LCAT: variants seen among roughly 807,000 people sequenced by gnomAD.
LCAT encodes phosphatidylcholine-sterol acyltransferase.
A neutral mutation model predicts 41.0 loss-of-function variants in LCAT; 15 were observed. The observed-to-expected ratio is 0.37, with a 90% CI of 0.24 to 0.56. LCAT has a LOEUF of 0.56. Among genes scored for constraint, LCAT ranks in the 20% least tolerant of loss-of-function variants. The pLI is 0.81. For synonymous variants in LCAT, 248 were observed against 245.4 expected (o/e 1.01, Z -0.10); for missense variants, 449 against 595.1 (o/e 0.75, Z 2.55).
At position 67,939,833 on chromosome 16, in the gene LCAT, G is replaced by C. The variant is rs2058282461; in HGVS notation, c.*71C>G. 1 of 1,567,610 alleles carries C rather than the reference G, an allele frequency of 6.4e-7. No homozygotes were observed. The highest frequency in any genetic ancestry group is 8.7e-7 in the Non-Finnish European group (1 of 1,154,324). ...TGTGGCTGGTGAGGAGTGAAACCTA[G>C]TGTGGGACTCTAGTGCCTCCCTTCA... On this transcript the variant is annotated 3_prime_UTR_variant, in exon 6 of 6. Transcript: ENST00000264005.
At chr16:67,940,687 T>C (rs1293658739) in intron 5 of LCAT, 2 of 851,124 alleles carry the variant, frequency 2.3e-6, no homozygotes, top group South Asian at 3.5e-5. Flanking sequence ...CTCTGTTGGG[T>C]GGAGCTGTAG....
Position 67,940,008 on chromosome 16 carries a change from T to G in LCAT, c.1219A>C (p.Ser407Arg). The change falls in exon 6 of 6, where the codon AGC (serine) becomes CGC (arginine). Residue 407 changes from serine to arginine, a missense_variant. Transcript: ENST00000264005. ...HGIQHLNMVF[S>R]NLTLEHINAI... ...TTGATGTGCTCCAGGGTCAGGTTGC[T>G]GAAGACCATGTTGAGATGCTGTATC... 6.2e-7 allele frequency: 1 copy of G among 1,613,640 alleles called. No homozygotes were observed. Among genetic ancestry groups the G allele is most frequent in the Non-Finnish European group, 8.5e-7 (1 of 1,180,024 alleles).
chr16:67,940,125 C>T lies in LCAT; in HGVS notation c.1102G>A (p.Gly368Ser), dbSNP rs773925060. Residue 368 changes from glycine (G) to serine (S), a missense_variant, in exon 6 of 6, where the codon GGT (glycine) becomes AGT (serine). Transcript: ENST00000264005. ...CTGCGGGTCGCCACCGTGTCATCAC[C>T]ATCCTCATAGAGCACACCCACAGGG... ...TDPVGVLYED[G>S]DDTVATRSTE... 1 of 1,613,468 alleles carries T rather than the reference C, an allele frequency of 6.2e-7. No individual in the cohort carries two copies. The highest frequency in any genetic ancestry group is 1.1e-5 in the South Asian group (1 of 91,072).
intron 5 of LCAT, chr16:67,941,909 G>A: frequency 8.7e-7 from 1 of 1,150,620 alleles, no homozygotes; most frequent in Non-Finnish European, 1.1e-6. Flanking sequence ...AGGGGGTGGG[G>A]AGTAGGTGGT....
At position 67,940,448 on chromosome 16, in the gene LCAT, C is replaced by T. The variant is rs748370146; in HGVS notation, c.779G>A (p.Ser260Asn). The T allele has an allele frequency of 1.9e-6, 3 of 1,614,104 alleles. No homozygotes were observed. In the Admixed American group the frequency reaches 5.0e-5, roughly 27 times the overall value. ...GDNQGIPIMS[S>N]IKLKEEQRIT... ...GCGCTGCTCCTCTTTCAGCTTGATG[C>T]TGGACATGATGGGGATGCCCTGGTT... The change falls in exon 6 of 6, where the codon AGC becomes AAC. Residue 260 changes from serine (S) to asparagine (N), a missense_variant. Transcript: ENST00000264005.
At position 67,942,409 on chromosome 16, in the gene LCAT, C is replaced by T; in HGVS notation, c.702G>A (p.Gly234=). ...DRFIDGFISL[G]APWGGSIKPM... is the part of the protein sequence containing the mutation. ...GCTTGATGGAGCCACCCCAGGGAGCCCCAAGAGAGATGAAGCCATCAATAA... is the reference window on the plus strand; with the variant it reads ...GCTTGATGGAGCCACCCCAGGGAGCTCCAAGAGAGATGAAGCCATCAATAA... Residue 234 remains glycine, a synonymous_variant, in exon 5 of 6, where the codon GGG becomes GGA. Coordinates refer to ENST00000264005, the MANE Select transcript of LCAT (RefSeq NM_000229.2). The surrounding 1 kb of genome is among the most constrained non-coding windows in gnomAD (Gnocchi z 6.6). 6.2e-7 allele frequency: 1 copy of T among 1,613,984 alleles called. No individual in the cohort carries two copies. Among genetic ancestry groups the T allele is most frequent in the Non-Finnish European group, 8.5e-7 (1 of 1,179,998 alleles).
In LCAT at chr16:67,943,011, C is replaced by G. The variant is rs756835069; in HGVS notation, c.312-35G>C. 2.9e-5 allele frequency: 46 copies of G among 1,613,782 alleles called. 1 individual carries two copies. In the South Asian group the frequency reaches 4.7e-4, roughly 17 times the overall value. ...GGGGGTGCCACTCAGCAGCCAGTAG[C>G]CAAGGGGCAGCGTGTTGGGGCTAGG... On this transcript the variant is annotated intron_variant, in intron 2 of 5. Transcript: ENST00000264005. This position sits in a 1 kb window ranked among gnomAD's most constrained non-coding sequence, Gnocchi z 4.6.
At chr16:67,941,727 G>A (rs1461725323) in intron 5 of LCAT, 49 of 996,540 alleles carry the variant, frequency 4.9e-5, no homozygotes, top group East Asian at 1.0e-4. Flanking sequence ...GTCCTCCCTC[G>A]GGCATGTGTC....
Position 67,943,349 on chromosome 16 carries a change from T to G in LCAT, c.155-137A>C. 11 of 671,410 alleles carry G rather than the reference T, an allele frequency of 1.6e-5. No individual in the cohort carries two copies. Among genetic ancestry groups the G allele is most frequent in the East Asian group, 3.2e-5 (1 of 31,172 alleles). The allele number at this position is 671,410 out of a possible 1,614,324, so 41.6% of individuals were successfully genotyped here. On this transcript the variant is annotated intron_variant, in intron 1 of 5. Transcript: ENST00000264005. This position sits in a 1 kb window ranked among gnomAD's most constrained non-coding sequence, Gnocchi z 4.6. ...CCCCAGGTACAAAGCACACTTACCC[T>G]CCCCTGCTTACACCCCCTCTCCCTG...
Position 67,943,957 on chromosome 16 carries a change from C to CG in LCAT, c.144dup (p.Val49ArgfsTer54). ...CCTGGTGGGGGCTTACCGAGGATGACGGGCCGTGTGTGGTTACTGAGCTCA... is the reference window on the plus strand; with the variant it reads ...CCTGGTGGGGGCTTACCGAGGATGACGGGGCCGTGTGTGGTTACTGAGCTCA... On this transcript the variant is annotated frameshift_variant, in exon 1 of 6. Coordinates refer to ENST00000264005, the MANE Select transcript of LCAT (RefSeq NM_000229.2). LOFTEE classifies it high-confidence loss of function. This position sits in a 1 kb window ranked among gnomAD's most constrained non-coding sequence, Gnocchi z 4.6. The CG allele has an allele frequency of 6.5e-7, 1 of 1,546,386 alleles. No individual in the cohort carries two copies.
Position 67,940,385 on chromosome 16 carries a change from A to G in LCAT, c.842T>C (p.Met281Thr). ...GAACACGTGGTCCTCAGGCCACGCC[A>G]TGCGAGAGGGAAACATCCAGGGGGA... ...TTSPWMFPSR[M>T]AWPEDHVFIS... The change falls in exon 6 of 6, where the codon ATG becomes ACG. Residue 281 changes from methionine (M) to threonine (T), a missense_variant. Transcript: ENST00000264005. The G allele has an allele frequency of 6.2e-7, 1 of 1,614,104 alleles. No homozygotes were observed. Among genetic ancestry groups the G allele is most frequent in the Non-Finnish European group, 8.5e-7 (1 of 1,180,022 alleles).
chr16:67,940,584 A>T (rs530658583), intron 5 of LCAT, 106 bp from the exon 6 acceptor site: 14 of 1,525,048 alleles, frequency 9.2e-6, no homozygotes, highest in Non-Finnish European at 1.2e-5. Flanking sequence ...TCCCTGCCCA[A>T]TCTAGACACA....
Position 67,943,991 on chromosome 16 carries a change from C to T in LCAT, c.111G>A (p.Thr37=), listed in dbSNP as rs963542759. 26 of 1,548,132 alleles carry T rather than the reference C, an allele frequency of 1.7e-5. No homozygotes were observed. Among genetic ancestry groups the T allele is most frequent in the East Asian group, 2.4e-5 (1 of 40,878 alleles). ...TGTGGTTACTGAGCTCAGCCTTGGG[C>T]GTGGTGTGCGGGGGGAAGAGCACAT... is the stretch of plus-strand genomic sequence containing the variant. ...LLNVLFPPHT[T]PKAELSNHTR... The change falls in exon 1 of 6, where the codon ACG becomes ACA. Residue 37 remains threonine, a synonymous_variant. Transcript: ENST00000264005. The surrounding 1 kb of genome is among the most constrained non-coding windows in gnomAD (Gnocchi z 4.6).
At position 67,943,677 on chromosome 16, in the gene LCAT, C is replaced by T. The variant is rs2058307716; in HGVS notation, c.154+271G>A. The stretch of plus-strand genomic sequence containing the variant: ...AGAGTCTGGTGTGGCTGTGACTGAC[C>T]ACAGCTTGTGATGCCCCAGCCAAGA... On this transcript the variant is annotated intron_variant, in intron 1 of 5. Coordinates refer to ENST00000264005, the MANE Select transcript of LCAT (RefSeq NM_000229.2). This position sits in a 1 kb window ranked among gnomAD's most constrained non-coding sequence, Gnocchi z 4.6. 1 of 538,824 alleles carries T rather than the reference C, an allele frequency of 1.9e-6. No homozygotes were observed. The highest frequency in any genetic ancestry group is 3.1e-5 in the East Asian group (1 of 32,478). 33.4% of individuals were successfully genotyped at this position (538,824 alleles called of 1,614,324 possible).
Position 67,942,510 on chromosome 16 carries a change from G to A in LCAT, c.601C>T (p.Leu201Phe). 6.2e-7 allele frequency: 1 copy of A among 1,613,758 alleles called. No individual in the cohort carries two copies. Among genetic ancestry groups the A allele is most frequent in the African/African-American group, 1.3e-5 (1 of 75,034 alleles). Residue 201 changes from leucine to phenylalanine, a missense_variant, in exon 5 of 6, where the codon CTC (leucine) becomes TTC (phenylalanine). Leu to Phe is a conservative substitution (Grantham distance 22, BLOSUM62 0). Coordinates refer to ENST00000264005, the MANE Select transcript of LCAT (RefSeq NM_000229.2). This position sits in a 1 kb window ranked among gnomAD's most constrained non-coding sequence, Gnocchi z 6.6. The part of the protein sequence containing the change: ...MHAAYGKPVF[L>F]IGHSLGCLHL... ...AGACAGCCGAGGCTGTGGCCAATGAGGAAGACAGGCTTCCCATAGGCAGCG... is the reference window on the plus strand; with the variant it reads ...AGACAGCCGAGGCTGTGGCCAATGAAGAAGACAGGCTTCCCATAGGCAGCG...
rs756625482 is a variant in LCAT at position 67,943,140 on chromosome 16, C to T, written c.227G>A (p.Arg76His). The T allele has an allele frequency of 8.7e-6, 14 of 1,613,834 alleles. No homozygotes were observed. In the South Asian group the frequency reaches 1.1e-4, roughly 13 times the overall value. ...GATGGTGAAGAAGTCCTCTGTCTTG[C>T]GGTAGCACATCCAGTTCACCACATC... ...KPDVVNWMCYRKTEDFFTIWL... is the reference protein window; with the variant it reads ...KPDVVNWMCYHKTEDFFTIWL... The change falls in exon 2 of 6, where the codon CGC becomes CAC. Residue 76 changes from arginine to histidine, a missense_variant. Transcript: ENST00000264005. The surrounding 1 kb of genome is among the most constrained non-coding windows in gnomAD (Gnocchi z 4.6).
At chr16:67,941,795 AG>A in intron 5 of LCAT, 1 of 1,026,084 alleles carries the variant, frequency 9.7e-7, no homozygotes, top group Non-Finnish European at 1.2e-6. Flanking sequence ...TGCTCCAGAA[AG>A]GGGGAAACAA....
chr16:67,943,912 C>A lies in LCAT; in HGVS notation c.154+36G>T. ...GGCTGGGGCCCAGGCTCCCCAGGGT[C>A]TGGCGTGGTGCATCAGGGGCCTGGT... On this transcript the variant is annotated intron_variant, in intron 1 of 5. Transcript: ENST00000264005. This position sits in a 1 kb window ranked among gnomAD's most constrained non-coding sequence, Gnocchi z 4.6. 3.9e-6 allele frequency: 6 copies of A among 1,523,126 alleles called. No homozygotes were observed. Among genetic ancestry groups the A allele is most frequent in the Non-Finnish European group, 5.3e-6 (6 of 1,129,806 alleles). 94.4% of individuals were successfully genotyped at this position (1,523,126 alleles called of 1,614,324 possible). A position where few individuals can be genotyped will look rare whatever the true frequency, so the allele number is the denominator to read the frequency against.
In LCAT at chr16:67,943,380, C is replaced by T. The variant is rs1043410675; in HGVS notation, c.155-168G>A. On this transcript the variant is annotated intron_variant, in intron 1 of 5. Coordinates refer to ENST00000264005, the MANE Select transcript of LCAT (RefSeq NM_000229.2). The surrounding 1 kb of genome is among the most constrained non-coding windows in gnomAD (Gnocchi z 4.6). ...GCTTACACCCCCTCTCCCTGCTGTCCCCCCAGTAGCCAAAGCCCAGGCTTC... is the reference window on the plus strand; with the variant it reads ...GCTTACACCCCCTCTCCCTGCTGTCTCCCCAGTAGCCAAAGCCCAGGCTTC... 7.4e-6 allele frequency: 5 copies of T among 677,760 alleles called. No homozygotes were observed. Among genetic ancestry groups the T allele is most frequent in the Non-Finnish European group, 1.3e-5 (5 of 383,982 alleles). The allele number at this position is 677,760 out of a possible 1,614,324, so 42.0% of individuals were successfully genotyped here.
Sources: allele counts gnomAD v4.1 joint callset, GRCh38; gene constraint gnomAD v4.1.1; non-coding constraint Gnocchi (gnomAD v3.1); transcripts MANE v1.5; gene names NCBI Gene and HGNC (gene_info 2026-07-23, HGNC 2026-07-21).